Variants in ZC3H12B observed in about 807,000 individuals in gnomAD.
ZC3H12B encodes the protein probable ribonuclease ZC3H12B.
A neutral mutation model predicts 43.9 loss-of-function variants in ZC3H12B; 7 were observed. The ratio of observed to expected loss-of-function variants is 0.16; its 90% CI spans 0.09 to 0.30. The LOEUF (loss-of-function observed/expected upper bound fraction) is 0.30, where lower values mean the gene tolerates loss of function less well. ZC3H12B is among the 10% of genes least tolerant of loss of function. The pLI is 1.00. For synonymous variants in ZC3H12B, 222 were observed against 241.7 expected, an observed-to-expected ratio of 0.92 and a Z score of 0.76; for missense variants, 475 against 670.2, an observed-to-expected ratio of 0.71 and a Z score of 3.22.
chrX:65,170,865 A>G, the ZC3H12B span, among the ~76,000 whole-genome samples: 1 of 111,826 alleles, frequency 8.9e-6, no homozygotes, highest in African/African-American at 3.3e-5. Flanking sequence ...TAGTTCTCGT[A>G]CCATGGTTTT....
At chrX:65,292,094 C>T in the ZC3H12B span, among the ~76,000 whole-genome samples, 62 of 111,357 alleles carry the variant, frequency 5.6e-4, no homozygotes, top group Non-Finnish European at 9.1e-4. Flanking sequence ...TTTAAAAGTT[C>T]TATATTATAA....
At chrX:65,107,609 G>A in the ZC3H12B span, among the ~76,000 whole-genome samples, 1 of 111,094 alleles carries the variant, frequency 9.0e-6, no homozygotes, top group Non-Finnish European at 1.9e-5. Flanking sequence ...ATGTGTCATG[G>A]GATGGACCCG....
chrX:65,451,799 T>C (rs1469586894), intron 3 of ZC3H12B, among the ~76,000 whole-genome samples: 1 of 112,111 alleles, frequency 8.9e-6, no homozygotes, highest in African/African-American at 3.2e-5. Flanking sequence ...TTTGTGCGTT[T>C]AATTTCCTTA....
At chrX:65,461,073 G>A (rs2067737092) in intron 3 of ZC3H12B, among the ~76,000 whole-genome samples, 2 of 112,205 alleles carry the variant, frequency 1.8e-5, no homozygotes, top group South Asian at 7.3e-4. Context: ...TTCAAAAGAA[G>A]ACATTTATGC....
At chrX:65,154,596 G>C in the ZC3H12B span, among the ~76,000 whole-genome samples, 1 of 112,174 alleles carries the variant, frequency 8.9e-6, no homozygotes, top group Non-Finnish European at 1.9e-5. Context: ...TGGCCGTGTG[G>C]CGGTTCATTT....
the ZC3H12B span, among the ~76,000 whole-genome samples, chrX:65,265,861 C>A: frequency 2.7e-5 from 3 of 111,455 alleles, no homozygotes; most frequent in Non-Finnish European, 5.7e-5. Context: ...TATTGGACAA[C>A]CAGCAGCACA....
the ZC3H12B span, among the ~76,000 whole-genome samples, chrX:65,261,837 T>G: frequency 9.0e-6 from 1 of 111,143 alleles, no homozygotes; most frequent in African/African-American, 3.3e-5. Context: ...TCAAAACTTG[T>G]GAAGGTGGTT....
the ZC3H12B span, among the ~76,000 whole-genome samples, chrX:65,149,798 AATAATAATAATAAT>A: frequency 9.6e-6 from 1 of 103,993 alleles, no homozygotes; most frequent in African/African-American, 3.5e-5. Flanking sequence ...TAATAATAAT[AATAATAATAATAAT>A]AATAAATAAA....
At chrX:65,506,066 T>C (rs774705155) in exon 5 of ZC3H12B, 1 of 112,593 alleles carries the variant, frequency 8.9e-6, no homozygotes, top group East Asian at 2.8e-4. Flanking sequence ...TTTGTGGCAC[T>C]GTGTGTCACA....
chrX:65,251,171 C>A, the ZC3H12B span, among the ~76,000 whole-genome samples: 1 of 111,575 alleles, frequency 9.0e-6, no homozygotes, highest in Non-Finnish European at 1.9e-5. Flanking sequence ...GCCAGTTTTC[C>A]CAGGACCATT....
chrX:65,433,324 G>T (rs941084036), intron 3 of ZC3H12B, among the ~76,000 whole-genome samples: 2 of 112,160 alleles, frequency 1.8e-5, no homozygotes. Context: ...ACTAATCTCT[G>T]CAATACCACC....
chrX:65,190,243 C>G, the ZC3H12B span, among the ~76,000 whole-genome samples: 26 of 110,335 alleles, frequency 2.4e-4, no homozygotes, highest in Non-Finnish European at 4.7e-4. Context: ...ATGCCTCCAG[C>G]TTTGTTCTTT....
chrX:65,154,095 G>A, the ZC3H12B span, among the ~76,000 whole-genome samples: 1 of 110,925 alleles, frequency 9.0e-6, no homozygotes, highest in Middle Eastern at 4.6e-3. Context: ...TGGGAGGAGG[G>A]GGCAGGGATA....
chrX:65,488,845 G>A (rs758862804), exon 1 of ZC3H12B: 1 of 1,206,370 alleles, frequency 8.3e-7, no homozygotes. Flanking sequence ...ATGGAGAAGA[G>A]TGCCTCCAAG....
At chrX:65,083,436 AC>A in the ZC3H12B span, among the ~76,000 whole-genome samples, 1 of 112,272 alleles carries the variant, frequency 8.9e-6, no homozygotes, top group Admixed American at 9.4e-5. Flanking sequence ...CGACATAACA[AC>A]ATTCAGTAGC....
the ZC3H12B span, among the ~76,000 whole-genome samples, chrX:65,211,088 G>GAAAAAAAAAAAAAAAAAAAAAAAAAA: frequency 1.6e-5 from 1 of 63,379 alleles, no homozygotes; most frequent in African/African-American, 5.5e-5. Flanking sequence ...AAAAAAGAAA[G>GAAAAAAAAAAAAAAAAAAAAAAAAAA]AAAAAAAAAA....
chrX:65,292,241 A>C, the ZC3H12B span, among the ~76,000 whole-genome samples: 1 of 112,088 alleles, frequency 8.9e-6, no homozygotes, highest in African/African-American at 3.2e-5. Context: ...AAATTCAAGA[A>C]AAATCACATT....
chrX:65,128,316 T>C, the ZC3H12B span, among the ~76,000 whole-genome samples: 1 of 112,428 alleles, frequency 8.9e-6, no homozygotes, highest in Non-Finnish European at 1.9e-5. Flanking sequence ...ATTTTCTTCT[T>C]GACCTATGGA....
the ZC3H12B span, among the ~76,000 whole-genome samples, chrX:65,036,628 C>CA: frequency 9.0e-6 from 1 of 111,142 alleles, no homozygotes; most frequent in Non-Finnish European, 1.9e-5. Context: ...AGTACCACTG[C>CA]AAAATAACCT....
Sources: gnomAD v4.1 joint callset for allele counts (sites outside exome capture counted in the v4.1 genomes callset) on GRCh38, gnomAD v4.1.1 for gene constraint, MANE v1.5 for transcripts, NCBI Gene and HGNC (gene_info 2026-07-23, HGNC 2026-07-21) for gene names.